TMEM68: variants seen among roughly 807,000 people sequenced by gnomAD.
The protein encoded by TMEM68 is DGAT1/2-independent enzyme synthesizing storage lipids.
In TMEM68, 25 loss-of-function variants were observed where a neutral mutation model predicts 36.9. That is an observed-to-expected ratio of 0.68 (90% CI 0.49 to 0.95). TMEM68 has a LOEUF of 0.95. Ranked by LOEUF, TMEM68 falls within the 40% of genes least tolerant of loss-of-function variation. TMEM68 has a pLI of 0.00. For missense variants in TMEM68, 333 were observed against 392.0 expected (o/e 0.85, Z 1.27); for synonymous variants, 131 against 124.4 (o/e 1.05, Z -0.35).
At chr8:55,743,096 T>C (rs1019638996) in intron 7 of TMEM68, among the ~76,000 whole-genome samples, 1 of 152,208 alleles carries the variant, frequency 6.6e-6, no homozygotes, top group Admixed American at 6.5e-5. Context: ...ACCTGCCTTG[T>C]AAAGCTCATG....
chr8:55,746,469 T>G (rs1041938835), intron 5 of TMEM68: 2 of 152,050 alleles, frequency 1.3e-5, no homozygotes, highest in African/African-American at 2.4e-5. Flanking sequence ...TAATGAAGTA[T>G]TGATATGTAA....
intron 5 of TMEM68, 38 bp from the exon 6 acceptor site, chr8:55,745,159 A>G: frequency 7.3e-7 from 1 of 1,369,420 alleles, no homozygotes. Flanking sequence ...AAGTAAATAA[A>G]TTAATCCATT....
At chr8:55,772,822 C>G (rs1185224489) in intron 1 of TMEM68, among the ~76,000 whole-genome samples, 1 of 152,224 alleles carries the variant, frequency 6.6e-6, no homozygotes, top group African/African-American at 2.4e-5. Flanking sequence ...TCCCCCTACA[C>G]TCTCGGGATC....
At chr8:55,756,550 C>G (rs994746476) in intron 3 of TMEM68, 139 bp from the exon 4 acceptor site, 5 of 718,696 alleles carry the variant, frequency 7.0e-6, no homozygotes, top group Non-Finnish European at 1.1e-5. Flanking sequence ...CTTCTTCCCT[C>G]TCTTTCCTCT....
chr8:55,754,872 A>ATTAT (rs1257946511), intron 4 of TMEM68, among the ~76,000 whole-genome samples: 4 of 135,586 alleles, frequency 3.0e-5, no homozygotes, highest in South Asian at 2.1e-4. Flanking sequence ...TAAAATATAT[A>ATTAT]GTATATATTT....
intron 1 of TMEM68, among the ~76,000 whole-genome samples, chr8:55,772,249 C>T (rs1811197726): frequency 6.6e-6 from 1 of 152,162 alleles, no homozygotes; most frequent in African/African-American, 2.4e-5. Context: ...ATTGAAAATA[C>T]CATTCAAAAT....
Position 55,751,053 on chromosome 8 carries a change from C to T in TMEM68, c.598G>A (p.Val200Ile), listed in dbSNP as rs190238294. The change falls in exon 5 of 8, where the codon GTT becomes ATT. Residue 200 changes from valine (V) to isoleucine (I), a missense_variant. Coordinates refer to ENST00000434581, the MANE Select transcript of TMEM68 (RefSeq NM_001286657.2). ...GHLLAISPGGVREALISDETY... is the reference protein window; with the variant it reads ...GHLLAISPGGIREALISDETY... ...TCATCACTAATTAGGGCTTCTCGAA[C>T]TCCACCTGGTGAGATAGCTAACAAG... is the stretch of plus-strand genomic sequence containing the variant. 2.1e-4 allele frequency: 339 copies of T among 1,614,140 alleles called. No individual in the cohort carries two copies. The highest frequency in any genetic ancestry group is 5.3e-4 in the Admixed American group (32 of 59,994).
chr8:55,772,415 C>A (rs1811205947), intron 1 of TMEM68, among the ~76,000 whole-genome samples: 1 of 152,160 alleles, frequency 6.6e-6, no homozygotes. Flanking sequence ...TACCACACAC[C>A]AAATACTAAC....
intron 4 of TMEM68, among the ~76,000 whole-genome samples, chr8:55,754,339 C>T (rs896060319): frequency 6.7e-6 from 1 of 149,960 alleles, no homozygotes; most frequent in African/African-American, 2.5e-5. Flanking sequence ...GTACAAGAAT[C>T]GGTTGAACTA....
intron 7 of TMEM68, among the ~76,000 whole-genome samples, chr8:55,742,647 C>T (rs1810138904): frequency 5.3e-5 from 8 of 152,092 alleles, no homozygotes; most frequent in Admixed American, 5.2e-4. Flanking sequence ...TCATGATATC[C>T]TCCTACCTCA....
At chr8:55,742,937 C>T (rs1363320507) in intron 7 of TMEM68, among the ~76,000 whole-genome samples, 1 of 151,908 alleles carries the variant, frequency 6.6e-6, no homozygotes, top group Admixed American at 6.6e-5. Flanking sequence ...TTACTAAAAC[C>T]TCACCTGCTG....
intron 5 of TMEM68, among the ~76,000 whole-genome samples, chr8:55,749,851 T>A (rs2129939996): frequency 6.6e-6 from 1 of 152,352 alleles, no homozygotes; most frequent in East Asian, 1.9e-4. Context: ...TTCTAAAGTT[T>A]TATATAAAAA....
At chr8:55,748,481 T>C (rs1279158045) in intron 5 of TMEM68, among the ~76,000 whole-genome samples, 10 of 150,502 alleles carry the variant, frequency 6.6e-5, no homozygotes, top group African/African-American at 1.2e-4. Flanking sequence ...ATCAGCAACC[T>C]AGAATTCAAT....
intron 3 of TMEM68, 123 bp from the exon 4 acceptor site, chr8:55,756,534 T>C: frequency 1.3e-6 from 1 of 769,986 alleles, no homozygotes; most frequent in South Asian, 2.2e-5. Context: ...CTCTTCCCCT[T>C]TCCCCCTTCT....
chr8:55,769,018 T>TTAAAAAAAAAAAAAAAAAAA (rs1554556017), intron 1 of TMEM68, among the ~76,000 whole-genome samples: 10 of 82,090 alleles, frequency 1.2e-4, no homozygotes, highest in East Asian at 3.5e-4. Flanking sequence ...ACTCTGTCTT[T>TTAAAAAAAAAAAAAAAAAAA]AAAAAAAAAA....
intron 1 of TMEM68, chr8:55,772,839 C>G (rs999642505): frequency 2.4e-4 from 37 of 152,976 alleles, no homozygotes; most frequent in Non-Finnish European, 4.2e-4. Flanking sequence ...GATCACCACA[C>G]ACTTCCCCTT....
intron 3 of TMEM68, chr8:55,762,311 T>C (rs1810818718): frequency 5.9e-6 from 2 of 339,308 alleles, no homozygotes; most frequent in Non-Finnish European, 1.0e-5. Flanking sequence ...TGCTAAATAA[T>C]TGAAGCATTT....
chr8:55,756,541 T>G (rs1810613873), intron 3 of TMEM68, 130 bp from the exon 4 acceptor site: 2 of 762,492 alleles, frequency 2.6e-6, no homozygotes, highest in Non-Finnish European at 4.0e-6. Context: ...CCTTTCCCCC[T>G]TCTTCCCTCT....
At chr8:55,767,050 AAAATAAAAAT>A (rs1810987047) in intron 1 of TMEM68, among the ~76,000 whole-genome samples, 1 of 143,610 alleles carries the variant, frequency 7.0e-6, no homozygotes, top group Non-Finnish European at 1.5e-5. Flanking sequence ...CTTCATTTGT[AAAATAAAAAT>A]AGCATCTACC....
Sources: allele counts gnomAD v4.1 joint callset (sites outside exome capture counted in the v4.1 genomes callset), GRCh38; gene constraint gnomAD v4.1.1; transcripts MANE v1.5; gene names NCBI Gene and HGNC (gene_info 2026-07-23, HGNC 2026-07-21).